Variants in CDK16 observed in about 807,000 individuals in gnomAD.
The protein encoded by CDK16 is cyclin-dependent kinase 16.
A neutral mutation model predicts 41.6 loss-of-function variants in CDK16; 2 were observed. The observed-to-expected ratio is 0.05, with a 90% CI of 0.02 to 0.15. The LOEUF (loss-of-function observed/expected upper bound fraction) is 0.15, where lower values mean the gene tolerates loss of function less well. Among genes scored for constraint, CDK16 ranks in the 10% least tolerant of loss-of-function variants. The pLI is 1.00. For synonymous variants in CDK16, 169 were observed against 169.7 expected, an observed-to-expected ratio of 1.00 and a Z score of 0.03; for missense variants, 228 against 428.9, an observed-to-expected ratio of 0.53 and a Z score of 4.14.
chrX:47,226,501 G>A (rs1295126267), intron 9 of CDK16, 82 bp from the exon 10 acceptor site: 1 of 1,191,797 alleles, frequency 8.4e-7, no homozygotes, highest in African/African-American at 1.8e-5. Context: ...TTTTGCCTAG[G>A]ACACCCTCAG....
intron 1 of CDK16, chrX:47,223,265 C>T (rs1246005972): frequency 3.5e-6 from 4 of 1,156,688 alleles, no homozygotes; most frequent in Non-Finnish European, 4.6e-6. Context: ...AACAATCCAT[C>T]GTTAGGGCCC....
At position 47,229,708 on chromosome X, in the gene CDK16, C is replaced by G. The variant is rs924390030; in HGVS notation, c.*940C>G. 3 of 160,644 alleles carry G rather than the reference C, an allele frequency of 1.9e-5. No individual in the cohort carries two copies. The highest frequency in any genetic ancestry group is 3.6e-5 in the Non-Finnish European group (3 of 82,846). The allele number at this position is 160,644 out of a possible 1,213,427, so 13.2% of individuals were successfully genotyped here. A position where few individuals can be genotyped will look rare whatever the true frequency, so the allele number is the denominator to read the frequency against. On this transcript the variant is annotated 3_prime_UTR_variant, in exon 16 of 16. Coordinates refer to ENST00000357227, the MANE Select transcript of CDK16 (RefSeq NM_006201.5). ...CCCTGCCAGGAACTGACCAGCTCAG[C>G]GAGGAGCCATAATGTGCATATGTGC...
chrX:47,219,435 C>T (rs1246879227), intron 1 of CDK16, among the ~76,000 whole-genome samples: 3 of 109,448 alleles, frequency 2.7e-5, no homozygotes, highest in African/African-American at 6.7e-5. Context: ...AAGCCTCACG[C>T]CAATAAGTCG....
At chrX:47,228,671 C>T in intron 15 of CDK16, 27 bp downstream of exon 15, 1 of 1,207,322 alleles carries the variant, frequency 8.3e-7, no homozygotes, top group Non-Finnish European at 1.1e-6. Context: ...GTCTTCCTCC[C>T]TGCCCCACCC....
At chrX:47,219,239 G>A (rs1334853293) in intron 1 of CDK16, 134 bp downstream of exon 1, 4 of 658,339 alleles carry the variant, frequency 6.1e-6, no homozygotes, top group South Asian at 7.2e-5. Flanking sequence ...CACCGGGGCG[G>A]GGGGTCATTT....
Position 47,219,039 on chromosome X carries a change from C to G in CDK16, c.-73C>G. 3.6e-6 allele frequency: 3 copies of G among 828,517 alleles called. No homozygotes were observed. The highest frequency in any genetic ancestry group is 7.8e-5 in the South Asian group (2 of 25,790). 68.3% of individuals were successfully genotyped at this position (828,517 alleles called of 1,213,427 possible). A position where few individuals can be genotyped will look rare whatever the true frequency, so the allele number is the denominator to read the frequency against. ...AGAAGGAGGTCGCGCGGCCTCATCC[C>G]GGGCCGCCGCCCCAGGCGCCGCCGC... is the stretch of plus-strand genomic sequence containing the variant. On this transcript the variant is annotated 5_prime_UTR_variant, in exon 1 of 16. Coordinates refer to ENST00000357227, the MANE Select transcript of CDK16 (RefSeq NM_006201.5).
chrX:47,218,829 A>G lies in CDK16; in HGVS notation c.-283A>G. On this transcript the variant is annotated 5_prime_UTR_variant, in exon 1 of 16. Coordinates refer to ENST00000357227, the MANE Select transcript of CDK16 (RefSeq NM_006201.5). ...GAGCCGCCGTGAGCACTCGGATTCA[A>G]GCCGGCGCCAACGAGTCCGGGGGCA... 2.6e-6 allele frequency: 3 copies of G among 1,140,618 alleles called. No homozygotes were observed. Among genetic ancestry groups the G allele is most frequent in the South Asian group, 1.9e-5 (1 of 51,858 alleles). The allele number at this position is 1,140,618 out of a possible 1,213,427, so 94.0% of individuals were successfully genotyped here. A position where few individuals can be genotyped will look rare whatever the true frequency, so the allele number is the denominator to read the frequency against.
rs1284684486 is a variant in CDK16, at chrX:47,224,523, T to C, written c.336+5T>C. 1 of 1,203,927 alleles carries C rather than the reference T, an allele frequency of 8.3e-7. No individual in the cohort carries two copies. The highest frequency in any genetic ancestry group is 1.8e-5 in the South Asian group (1 of 55,619). On this transcript the variant is annotated splice_donor_5th_base_variant and intron_variant, in intron 3 of 15. Coordinates refer to ENST00000357227, the MANE Select transcript of CDK16 (RefSeq NM_006201.5). ...CCACGCAAGATCTCCACTGAGGTGC[T>C]TGACCCCGTCTGGATGGTGGAGGAA...
chrX:47,228,055 T>C lies in CDK16; in HGVS notation c.1376-512T>C, dbSNP rs142436046. The C allele has an allele frequency of 4.2e-4, 48 of 115,549 alleles. No homozygotes were observed. In the East Asian group the frequency reaches 0.013, roughly 31 times the overall value. The allele number at this position is 115,549 out of a possible 1,213,427, so 9.5% of individuals were successfully genotyped here. A position where few individuals can be genotyped will look rare whatever the true frequency, so the allele number is the denominator to read the frequency against. ...TATTTATATATTAGTCAAAGTAATA[T>C]GATGAGTCCCTAAGTACTCCAGTGA... On this transcript the variant is annotated intron_variant, in intron 14 of 15. Coordinates refer to ENST00000357227, the MANE Select transcript of CDK16 (RefSeq NM_006201.5).
At chrX:47,223,901 A>G in intron 2 of CDK16, 142 bp downstream of exon 2, 1 of 487,911 alleles carries the variant, frequency 2.0e-6, no homozygotes, top group Admixed American at 3.2e-5. Context: ...CTTCCCTCCC[A>G]TCTTCTCTCA....
In CDK16 at chrX:47,227,479, G is replaced by A; in HGVS notation, c.1375+10G>A. ...CACAAACTTCCTGACAGTGAGTGGA[G>A]CTGGGGAATGGACCGGCCAGCGTGG... is the stretch of plus-strand genomic sequence containing the variant. On this transcript the variant is annotated intron_variant, in intron 14 of 15. Coordinates refer to ENST00000357227, the MANE Select transcript of CDK16 (RefSeq NM_006201.5). The A allele has an allele frequency of 8.6e-7, 1 of 1,167,731 alleles. No individual in the cohort carries two copies. The highest frequency in any genetic ancestry group is 1.2e-6 in the Non-Finnish European group (1 of 856,260).
chrX:47,218,512 A>G, upstream of CDK16: 1 of 939,804 alleles, frequency 1.1e-6, no homozygotes, highest in East Asian at 3.6e-5. Context: ...CCTAGGCGCT[A>G]GCAAACTTCT....
At chrX:47,225,664 G>C (rs188787867) in intron 6 of CDK16, 108 bp from the exon 7 acceptor site, 1 of 571,238 alleles carries the variant, frequency 1.8e-6, no homozygotes, top group African/African-American at 2.3e-5. Context: ...GAACTGTCTA[G>C]AGAAAGAAAG....
chrX:47,218,310 C>T (rs916530390), upstream of CDK16: 16 of 232,689 alleles, frequency 6.9e-5, no homozygotes, highest in Non-Finnish European at 9.2e-5. Context: ...TGCCTCTCCT[C>T]GAAAAGTCAT....
intron 1 of CDK16, among the ~76,000 whole-genome samples, chrX:47,219,790 C>T (rs1230028248): frequency 2.7e-5 from 3 of 110,413 alleles, no homozygotes; most frequent in South Asian, 3.9e-4. Context: ...GGTGTGTGCG[C>T]CAGTGGGGGT....
chrX:47,224,090 C>T (rs1228042801), intron 2 of CDK16, among the ~76,000 whole-genome samples: 1 of 111,374 alleles, frequency 9.0e-6, no homozygotes, highest in Admixed American at 9.4e-5. Flanking sequence ...CCTGCCTTCC[C>T]AGGACCCTTG....
intron 1 of CDK16, among the ~76,000 whole-genome samples, chrX:47,220,962 G>A (rs1008815466): frequency 9.0e-6 from 1 of 111,118 alleles, no homozygotes; most frequent in Non-Finnish European, 1.9e-5. Flanking sequence ...AGGCCAGGGA[G>A]GGGCCCAAGA....
intron 6 of CDK16, 39 bp from the exon 7 acceptor site, chrX:47,225,733 C>T: frequency 1.9e-6 from 2 of 1,035,645 alleles, no homozygotes; most frequent in Admixed American, 2.2e-5. Flanking sequence ...AGGGTAGGAC[C>T]CTGACTCTTC....
chrX:47,225,550 T>C (rs1937526888), intron 6 of CDK16, among the ~76,000 whole-genome samples: 1 of 111,758 alleles, frequency 8.9e-6, no homozygotes, highest in African/African-American at 3.3e-5. Flanking sequence ...AGGTTCTTGC[T>C]CCATACTCTC....
Sources: allele counts gnomAD v4.1 joint callset (sites outside exome capture counted in the v4.1 genomes callset), GRCh38; gene constraint gnomAD v4.1.1; transcripts MANE v1.5; gene names NCBI Gene and HGNC (gene_info 2026-07-23, HGNC 2026-07-21).